Variants in PARD3 observed in about 807,000 individuals in gnomAD.
PARD3 encodes the protein partitioning defective 3 homolog.
PARD3 carries 75 observed loss-of-function variants against 155.4 expected under a neutral mutation model. The observed-to-expected ratio is 0.48, with a 90% confidence interval of 0.40 to 0.58. The LOEUF (loss-of-function observed/expected upper bound fraction) is 0.58, where lower values mean the gene tolerates loss of function less well. PARD3 is among the 20% of genes least tolerant of loss of function. The probability of loss-of-function intolerance (pLI) is 0.00; values close to 1 mark genes in which losing one functional copy is unlikely to be tolerated. For missense variants in PARD3, 1,642 were observed against 1,721.7 expected (o/e 0.95, Z 0.82); for synonymous variants, 576 against 610.5 (o/e 0.94, Z 0.83).
chr10:34,157,816 A>G (rs1375511886), intron 22 of PARD3, among the ~76,000 whole-genome samples: 1 of 152,210 alleles, frequency 6.6e-6, no homozygotes, highest in Non-Finnish European at 1.5e-5. Flanking sequence ...AACAAGCATA[A>G]TACTGTTATG....
chr10:34,371,651 C>CA (rs1840677154), intron 12 of PARD3, among the ~76,000 whole-genome samples: 1 of 150,804 alleles, frequency 6.6e-6, no homozygotes, highest in Admixed American at 6.6e-5. Context: ...CTTTAGTCAA[C>CA]AATGTAAAAA....
chr10:34,699,492 T>C (rs887926129), intron 1 of PARD3, among the ~76,000 whole-genome samples: 1 of 152,234 alleles, frequency 6.6e-6, no homozygotes, highest in Admixed American at 6.5e-5. Context: ...CATAATTCTC[T>C]TTCAATGAAC....
chr10:34,793,337 C>G (rs958937827), intron 1 of PARD3, among the ~76,000 whole-genome samples: 32 of 152,192 alleles, frequency 2.1e-4, no homozygotes, highest in Non-Finnish European at 3.7e-4. Flanking sequence ...CTGCCATGAT[C>G]AGGGAGAGGG....
chr10:34,146,779 C>T (rs1039472462), intron 22 of PARD3, among the ~76,000 whole-genome samples: 9 of 152,182 alleles, frequency 5.9e-5, no homozygotes, highest in South Asian at 2.1e-4. Flanking sequence ...TGACAAAGAA[C>T]GTTTCCCACT....
chr10:34,640,656 C>T (rs767100925), intron 2 of PARD3, among the ~76,000 whole-genome samples: 28 of 126,284 alleles, frequency 2.2e-4, no homozygotes, highest in African/African-American at 7.5e-4. Context: ...CTGTGGTGAG[C>T]CAAGAAAGCG....
chr10:34,715,276 C>G (rs1187982378), intron 1 of PARD3, among the ~76,000 whole-genome samples: 2 of 152,006 alleles, frequency 1.3e-5, no homozygotes, highest in African/African-American at 2.4e-5. Flanking sequence ...CAAGGTCTCG[C>G]TGTGTTGCCC....
At chr10:34,537,569 T>C (rs753028900) in intron 2 of PARD3, among the ~76,000 whole-genome samples, 29 of 152,284 alleles carry the variant, frequency 1.9e-4, no homozygotes, top group Middle Eastern at 3.4e-3. Context: ...CTAACAACTT[T>C]ATCTCTGCAA....
intron 18 of PARD3, among the ~76,000 whole-genome samples, chr10:34,331,914 G>C (rs777048301): frequency 1.3e-5 from 2 of 152,118 alleles, no homozygotes; most frequent in Admixed American, 1.3e-4. Context: ...AGGGCAACCT[G>C]GCAGCAGGCA....
At chr10:34,767,781 AG>A (rs1838293567) in intron 1 of PARD3, among the ~76,000 whole-genome samples, 2 of 151,898 alleles carry the variant, frequency 1.3e-5, no homozygotes, top group Admixed American at 1.3e-4. Context: ...TTGTATTTTT[AG>A]TACAGACGGT....
rs1355941624 is a variant in PARD3 at position 34,558,230 on chromosome 10, T to C, written c.223-41071A>G. ...GCAACCCAAATGAATCTACTACCGC[T>C]ATTTCAGAGGTTTATGTATGATCTA... On this transcript the variant is annotated intron_variant, in intron 2 of 24. Coordinates refer to ENST00000374788, the MANE Select transcript of PARD3 (RefSeq NM_001184785.2). 2.6e-5 allele frequency among the ~76,000 whole-genome samples: 4 copies of C among 152,202 alleles called. No individual in the cohort carries two copies. The East Asian group carries it at 7.7e-4, about 29-fold the overall frequency.
intron 20 of PARD3, among the ~76,000 whole-genome samples, chr10:34,316,767 G>A (rs1053907332): frequency 6.6e-6 from 1 of 152,172 alleles, no homozygotes; most frequent in African/African-American, 2.4e-5. Context: ...CATTTAGGCT[G>A]CTAAAATAGT....
intron 12 of PARD3, among the ~76,000 whole-genome samples, chr10:34,369,498 A>G (rs1467736404): frequency 6.6e-6 from 1 of 152,202 alleles, no homozygotes; most frequent in African/African-American, 2.4e-5. Context: ...ATCCACATAA[A>G]GAGTTTCACA....
chr10:34,114,466 C>T (rs1017566001), intron 24 of PARD3, among the ~76,000 whole-genome samples: 6 of 152,114 alleles, frequency 3.9e-5, no homozygotes, highest in African/African-American at 1.4e-4. Context: ...GTCTTAGGCT[C>T]CCAGGTAGCT....
chr10:34,338,638 A>T (rs961274129), intron 16 of PARD3, among the ~76,000 whole-genome samples: 9 of 152,204 alleles, frequency 5.9e-5, no homozygotes, highest in African/African-American at 2.2e-4. Context: ...GTAAAAAAAC[A>T]GTCAACCTTT....
intron 1 of PARD3, among the ~76,000 whole-genome samples, chr10:34,752,876 C>G (rs1308238254): frequency 6.6e-6 from 1 of 152,196 alleles, no homozygotes; most frequent in Non-Finnish European, 1.5e-5. Context: ...CAGCTAAAGG[C>G]TAGTGTTTCA....
chr10:34,142,525 ACT>A (rs1948243358), intron 22 of PARD3, among the ~76,000 whole-genome samples: 1 of 151,470 alleles, frequency 6.6e-6, no homozygotes, highest in South Asian at 2.1e-4. Context: ...AAAGACCGAG[ACT>A]CTGTCAAAGA....
chr10:34,745,436 G>GAGAGAGAGAA (rs1218436075), intron 1 of PARD3, among the ~76,000 whole-genome samples: 3 of 132,098 alleles, frequency 2.3e-5, no homozygotes, highest in East Asian at 2.3e-4. Flanking sequence ...GGGAGGGAAA[G>GAGAGAGAGAA]AGAGAGGGAA....
At chr10:34,322,563 T>A (rs577500544) in intron 19 of PARD3, among the ~76,000 whole-genome samples, 127 of 152,304 alleles carry the variant, frequency 8.3e-4, no homozygotes, top group Non-Finnish European at 1.3e-3. Context: ...TAAATATCAT[T>A]TTAGGTAGCT....
chr10:34,364,365 A>G (rs1014722082), intron 12 of PARD3, among the ~76,000 whole-genome samples: 3 of 152,164 alleles, frequency 2.0e-5, no homozygotes, highest in Admixed American at 6.5e-5. Context: ...GACTCAGCAA[A>G]AGTTTCATCA....
Sources: allele counts gnomAD v4.1 joint callset (sites outside exome capture counted in the v4.1 genomes callset), GRCh38; gene constraint gnomAD v4.1.1; transcripts MANE v1.5; gene names NCBI Gene and HGNC (gene_info 2026-07-23, HGNC 2026-07-21).